The following SENP7 variants were observed in gnomAD, a reference collection of about 807,000 sequenced individuals.
SENP7 encodes the protein SUMO specific peptidase 7, also known as sentrin-specific protease 7.
A neutral mutation model predicts 141.2 loss-of-function variants in SENP7; 64 were observed. The ratio of observed to expected loss-of-function variants is 0.45; its 90% CI spans 0.37 to 0.56. The LOEUF (loss-of-function observed/expected upper bound fraction) is 0.56. Ranked by LOEUF, SENP7 falls within the 20% of genes least tolerant of loss-of-function variation. The pLI is 0.00. For synonymous variants in SENP7, 382 were observed against 426.4 expected (o/e 0.90, Z 1.28); for missense variants, 1,025 against 1,212.2 (o/e 0.85, Z 2.29).
intron 11 of SENP7, chr3:101,358,247 G>A: frequency 9.7e-7 from 1 of 1,033,214 alleles, no homozygotes; most frequent in Non-Finnish European, 1.4e-6. Context: ...TCATACTAGA[G>A]AGAAACCTTA....
chr3:101,439,216 C>A (rs1344335251), intron 4 of SENP7, among the ~76,000 whole-genome samples: 1 of 103,120 alleles, frequency 9.7e-6, no homozygotes, highest in Admixed American at 1.0e-4. Context: ...TGCCTCTGCC[C>A]GGCCGAGACC....
At chr3:101,471,138 T>C (rs374213521) in intron 3 of SENP7, among the ~76,000 whole-genome samples, 24 of 152,236 alleles carry the variant, frequency 1.6e-4, no homozygotes, top group African/African-American at 5.8e-4. Flanking sequence ...CTTCACAGAA[T>C]TGGAAAAAAC....
intron 4 of SENP7, among the ~76,000 whole-genome samples, chr3:101,433,314 T>C (rs1576335166): frequency 8.7e-6 from 1 of 115,472 alleles, no homozygotes; most frequent in Non-Finnish European, 1.8e-5. Context: ...TCACCTTCAC[T>C]AGAGGAAGAC....
At chr3:101,512,801 G>C (rs2065914152) in intron 1 of SENP7, among the ~76,000 whole-genome samples, 1 of 152,200 alleles carries the variant, frequency 6.6e-6, no homozygotes, top group African/African-American at 2.4e-5. Context: ...CAAGCCAACC[G>C]GGAAGATCCA....
intron 6 of SENP7, among the ~76,000 whole-genome samples, chr3:101,383,917 T>C (rs2060578145): frequency 6.6e-6 from 1 of 152,218 alleles, no homozygotes; most frequent in Non-Finnish European, 1.5e-5. Flanking sequence ...AGGCTCCCAG[T>C]TCCGTGGACC....
chr3:101,472,230 T>C (rs1468310396), intron 3 of SENP7, among the ~76,000 whole-genome samples: 1 of 152,156 alleles, frequency 6.6e-6, no homozygotes, highest in Non-Finnish European at 1.5e-5. Context: ...CTATCCACAA[T>C]AGCAAAGACT....
chr3:101,476,798 T>C (rs1417589309), intron 3 of SENP7, among the ~76,000 whole-genome samples: 1 of 152,240 alleles, frequency 6.6e-6, no homozygotes, highest in Non-Finnish European at 1.5e-5. Context: ...CCATTCTAAA[T>C]GGCATGAGAT....
intron 5 of SENP7, chr3:101,414,713 CAA>C: frequency 1.2e-6 from 1 of 832,236 alleles, no homozygotes; most frequent in South Asian, 1.8e-5. Context: ...GTATTTTAAG[CAA>C]AGTTTATGAA....
At chr3:101,371,560 T>A (rs1182831840) in intron 7 of SENP7, among the ~76,000 whole-genome samples, 1 of 152,198 alleles carries the variant, frequency 6.6e-6, no homozygotes, top group Non-Finnish European at 1.5e-5. Context: ...GTCTAGGAAG[T>A]ATTTACCTTC....
At chr3:101,343,050 T>G (rs1355362628) in intron 14 of SENP7, among the ~76,000 whole-genome samples, 1 of 152,196 alleles carries the variant, frequency 6.6e-6, no homozygotes, top group Non-Finnish European at 1.5e-5. Context: ...TGAGATTACA[T>G]ATTACTGGAA....
At position 101,459,485 on chromosome 3, in the gene SENP7, G is replaced by A. The variant is rs527319331; in HGVS notation, c.187-433C>T. Among the ~76,000 whole-genome samples the A allele has an allele frequency of 3.3e-5, 5 of 152,284 alleles. 1 individual carries two copies. In the South Asian group the frequency reaches 1.0e-3, roughly 32 times the overall value. ...TTAGGAAAGAGCCGGACACCTTATTGACAGAGTTTAGATTAAATATGACTA... is the reference window on the plus strand; with the variant it reads ...TTAGGAAAGAGCCGGACACCTTATTAACAGAGTTTAGATTAAATATGACTA... On this transcript the variant is annotated intron_variant, in intron 3 of 23. Transcript: ENST00000394095.
At chr3:101,371,646 T>C (rs949960800) in intron 7 of SENP7, among the ~76,000 whole-genome samples, 6 of 152,164 alleles carry the variant, frequency 3.9e-5, no homozygotes, top group African/African-American at 1.4e-4. Flanking sequence ...ATGTATTTCA[T>C]GGTAGGCAAA....
At chr3:101,400,196 G>A (rs1392486624) in intron 5 of SENP7, among the ~76,000 whole-genome samples, 1 of 152,144 alleles carries the variant, frequency 6.6e-6, no homozygotes, top group Admixed American at 6.5e-5. Context: ...TTCCTGTTAT[G>A]TAATTTTAAA....
chr3:101,326,101 G>C (rs372279597), intron 23 of SENP7, 21 bp from the exon 24 acceptor site: 43 of 1,546,204 alleles, frequency 2.8e-5, no homozygotes, highest in Non-Finnish European at 3.5e-5. Flanking sequence ...GAAAAAAAGA[G>C]TGTAATCACT....
chr3:101,492,128 G>A (rs1338676934), intron 3 of SENP7, among the ~76,000 whole-genome samples: 1 of 151,938 alleles, frequency 6.6e-6, no homozygotes, highest in Non-Finnish European at 1.5e-5. Context: ...CCAAGTGCGG[G>A]GGCTCACGCC....
intron 5 of SENP7, among the ~76,000 whole-genome samples, chr3:101,401,096 C>CAAA: frequency 7.7e-6 from 1 of 130,344 alleles, no homozygotes; most frequent in Non-Finnish European, 1.6e-5. Flanking sequence ...GTCCTTGTCT[C>CAAA]AAAAAAAAAA....
intron 3 of SENP7, among the ~76,000 whole-genome samples, chr3:101,469,307 G>C (rs1196332637): frequency 1.3e-5 from 2 of 152,034 alleles, no homozygotes; most frequent in African/African-American, 2.4e-5. Context: ...AATAATGAGA[G>C]ACTTTAACAC....
intron 13 of SENP7, 109 bp downstream of exon 13, chr3:101,347,763 A>G (rs1267921606): frequency 1.7e-6 from 1 of 575,624 alleles, no homozygotes. Context: ...TTCACTAAAT[A>G]AAATTAATTT....
At chr3:101,411,135 G>T (rs1418218882) in intron 5 of SENP7, among the ~76,000 whole-genome samples, 2 of 152,094 alleles carry the variant, frequency 1.3e-5, no homozygotes, top group Non-Finnish European at 2.9e-5. Flanking sequence ...AAAATGGGAA[G>T]AATAATATCT....
Sources: gnomAD v4.1 joint callset for allele counts (sites outside exome capture counted in the v4.1 genomes callset) on GRCh38, gnomAD v4.1.1 for gene constraint, MANE v1.5 for transcripts, NCBI Gene and HGNC (gene_info 2026-07-23, HGNC 2026-07-21) for gene names.